Variants in PTGFRN observed in about 807,000 individuals in gnomAD.
The protein encoded by PTGFRN is prostaglandin F2 receptor negative regulator.
A neutral mutation model predicts 83.2 loss-of-function variants in PTGFRN; 35 were observed. That is an observed-to-expected ratio of 0.42 (90% CI 0.32 to 0.56). The LOEUF (loss-of-function observed/expected upper bound fraction) is 0.56. Ranked by LOEUF, PTGFRN falls within the 20% of genes least tolerant of loss-of-function variation. The pLI is 0.11. For synonymous variants in PTGFRN, 519 were observed against 498.6 expected, an observed-to-expected ratio of 1.04 and a Z score of -0.55; for missense variants, 1,051 against 1,179.5, an observed-to-expected ratio of 0.89 and a Z score of 1.60.
At position 116,966,365 on chromosome 1, in the gene PTGFRN, A is replaced by G. The variant is rs371462609; in HGVS notation, c.1640-546A>G. On this transcript the variant is annotated intron_variant, in intron 5 of 8. Transcript: ENST00000393203. Reference sequence around the variant, plus strand: ...TACGCTACAGTCATTTTAGCAATACATCTGTTCTGTAATGTCACTATCATA... The same window carrying G: ...TACGCTACAGTCATTTTAGCAATACGTCTGTTCTGTAATGTCACTATCATA... 1.3e-4 allele frequency among the ~76,000 whole-genome samples: 20 copies of G among 152,356 alleles called. No individual in the cohort carries two copies. The East Asian group carries it at 2.7e-3, about 21-fold the overall frequency.
At chr1:116,970,130 T>C (rs950554339) in intron 6 of PTGFRN, among the ~76,000 whole-genome samples, 1 of 151,920 alleles carries the variant, frequency 6.6e-6, no homozygotes, top group Admixed American at 6.6e-5. Context: ...TCCAATACAG[T>C]GTTGAATGGA....
At chr1:116,950,513 A>G (rs1334510122) in intron 4 of PTGFRN, among the ~76,000 whole-genome samples, 1 of 152,222 alleles carries the variant, frequency 6.6e-6, no homozygotes, top group Non-Finnish European at 1.5e-5. Context: ...CAGGCAAAAC[A>G]GATCTTTAAA....
chr1:116,982,562 AAGAC>A (rs1198616879), intron 7 of PTGFRN, among the ~76,000 whole-genome samples: 1 of 152,040 alleles, frequency 6.6e-6, no homozygotes, highest in Non-Finnish European at 1.5e-5. Flanking sequence ...TCCGCAAGCA[AAGAC>A]AGACAAGCAC....
chr1:116,983,028 G>T (rs1360103554), intron 7 of PTGFRN, among the ~76,000 whole-genome samples: 1 of 152,200 alleles, frequency 6.6e-6, no homozygotes, highest in Non-Finnish European at 1.5e-5. Context: ...GTGTTGAGCT[G>T]TGGAGATAAT....
At chr1:116,928,334 A>C (rs922078021) in intron 1 of PTGFRN, among the ~76,000 whole-genome samples, 1 of 152,036 alleles carries the variant, frequency 6.6e-6, no homozygotes, top group African/African-American at 2.4e-5. Flanking sequence ...TGTTGAACCT[A>C]TTCTTCATCC....
chr1:116,944,555 T>TGGATTCCAAG, intron 2 of PTGFRN, 124 bp from the exon 3 acceptor site: 1 of 989,566 alleles, frequency 1.0e-6, no homozygotes, highest in African/African-American at 1.7e-5. Flanking sequence ...TGGGAAAACG[T>TGGATTCCAAG]GCCCATCCGG....
In PTGFRN at chr1:116,909,991, A is replaced by T. The variant is rs909346185; in HGVS notation, c.-213A>T. 30 of 572,748 alleles carry T rather than the reference A, an allele frequency of 5.2e-5. No individual in the cohort carries two copies. In the Admixed American group the frequency reaches 7.6e-4, roughly 14 times the overall value. The allele number at this position is 572,748 out of a possible 1,614,324, so 35.5% of individuals were successfully genotyped here. On this transcript the variant is annotated 5_prime_UTR_variant, in exon 1 of 9. Coordinates refer to ENST00000393203, the MANE Select transcript of PTGFRN (RefSeq NM_020440.4). ...CCGGCTCCCGGGCCCGGCCGGCTGG[A>T]GGAGGGAGGGAAGGAGGCGGGAGGG... is the stretch of plus-strand genomic sequence containing the variant.
At chr1:116,953,764 C>G (rs1650407624) in intron 4 of PTGFRN, among the ~76,000 whole-genome samples, 1 of 151,872 alleles carries the variant, frequency 6.6e-6, no homozygotes, top group South Asian at 2.1e-4. Context: ...ACACCCAGCC[C>G]TTTTCATCCC....
At chr1:116,980,771 G>T (rs1444336136) in intron 7 of PTGFRN, among the ~76,000 whole-genome samples, 1 of 152,148 alleles carries the variant, frequency 6.6e-6, no homozygotes, top group Non-Finnish European at 1.5e-5. Flanking sequence ...GAGTTAATGG[G>T]TGCAGCACAC....
chr1:116,963,274 G>A (rs1001432222), intron 5 of PTGFRN, among the ~76,000 whole-genome samples: 1 of 152,204 alleles, frequency 6.6e-6, no homozygotes, highest in African/African-American at 2.4e-5. Flanking sequence ...TCTCCTAAGT[G>A]ATTACTGCAT....
Position 116,984,950 on chromosome 1 carries a change from A to G in PTGFRN, c.2438A>G (p.His813Arg). 1 of 1,613,870 alleles carries G rather than the reference A, an allele frequency of 6.2e-7. No individual in the cohort carries two copies. The highest frequency in any genetic ancestry group is 1.1e-5 in the South Asian group (1 of 91,072). ...TCCTGGCAGAAGGAGGCAGAGATCC[A>G]CTCCAAGCCCGTTTTTATAACTGTG... is the stretch of plus-strand genomic sequence containing the variant. The part of the protein sequence containing the change: ...TGSWQKEAEI[H>R]SKPVFITVKM... Residue 813 changes from histidine (H) to arginine (R), a missense_variant, in exon 8 of 9, where the codon CAC becomes CGC. Transcript: ENST00000393203.
At position 116,944,593 on chromosome 1, in the gene PTGFRN, A is replaced by G. The variant is rs550021677; in HGVS notation, c.419-86A>G. On this transcript the variant is annotated intron_variant, in intron 2 of 8. Transcript: ENST00000393203. ...CTTGGAATGGGAAAGGGAGGAGGAA[A>G]TTGTCTGTGGTTGCAGCGGTGGGCT... 1.4e-4 allele frequency: 179 copies of G among 1,264,232 alleles called. 2 individuals are homozygous for G. Among genetic ancestry groups the G allele is most frequent in the Non-Finnish European group, 1.1e-5 (11 of 988,454 alleles). The allele number at this position is 1,264,232 out of a possible 1,614,324, so 78.3% of individuals were successfully genotyped here. A position where few individuals can be genotyped will look rare whatever the true frequency, so the allele number is the denominator to read the frequency against.
chr1:116,961,091 T>C lies in PTGFRN; in HGVS notation c.1214-152T>C. 2 of 849,586 alleles carry C rather than the reference T, an allele frequency of 2.4e-6. No individual in the cohort carries two copies. The highest frequency in any genetic ancestry group is 1.7e-6 in the Non-Finnish European group (1 of 597,642). The allele number at this position is 849,586 out of a possible 1,614,324, so 52.6% of individuals were successfully genotyped here. On this transcript the variant is annotated intron_variant, in intron 4 of 8. Coordinates refer to ENST00000393203, the MANE Select transcript of PTGFRN (RefSeq NM_020440.4). This position sits in a 1 kb window ranked among gnomAD's most constrained non-coding sequence, Gnocchi z 5.4. ...GCAAAAACACTGTTCTAGGATCCTA[T>C]CCAATGCAACGACTGATTTCTGTCT...
At chr1:116,963,331 C>T (rs182210738) in intron 5 of PTGFRN, among the ~76,000 whole-genome samples, 1 of 152,342 alleles carries the variant, frequency 6.6e-6, no homozygotes, top group Admixed American at 6.5e-5. Flanking sequence ...TCTCTCTCAG[C>T]TGTTGGCCCT....
rs777700301 is a variant in PTGFRN at position 116,966,958 on chromosome 1, G to A, written c.1687G>A (p.Ala563Thr). ...KARQPKPFFA[A>T]GNTFEMTCKV... ...GAGGCAGCCAAAGCCTTTCTTTGCT[G>A]CCGGAAATACATTTGAGATGACTTG... Residue 563 changes from alanine (A) to threonine (T), a missense_variant, in exon 6 of 9, where the codon GCC (alanine) becomes ACC (threonine). Physicochemically the swap from Ala to Thr is moderately conservative, Grantham distance 58. Transcript: ENST00000393203. 2 of 1,611,278 alleles carry A rather than the reference G, an allele frequency of 1.2e-6. No individual in the cohort carries two copies. The highest frequency in any genetic ancestry group is 2.2e-5 in the South Asian group (2 of 91,020).
intron 1 of PTGFRN, among the ~76,000 whole-genome samples, chr1:116,922,143 G>T (rs1649551480): frequency 6.6e-6 from 1 of 152,158 alleles, no homozygotes; most frequent in Admixed American, 6.5e-5. Flanking sequence ...GAGCAGCTAA[G>T]AGCCGGCATG....
At chr1:116,966,548 C>T (rs79967146) in intron 5 of PTGFRN, among the ~76,000 whole-genome samples, 2,104 of 152,332 alleles carry the variant, frequency 0.014, 55 homozygotes, top group African/African-American at 0.048. Flanking sequence ...TGTGTTCAGC[C>T]ATGTCTTTCC....
rs1649585136 is a variant in PTGFRN, at chr1:116,923,401, G to A, written c.49+13149G>A. ...TTCTAAGACAGGTTTTTGTGGTAGA[G>A]TAGGAAAAAATGAAATCTATACATG... On this transcript the variant is annotated intron_variant, in intron 1 of 8. Coordinates refer to ENST00000393203, the MANE Select transcript of PTGFRN (RefSeq NM_020440.4). The surrounding 1 kb of genome is among the most constrained non-coding windows in gnomAD (Gnocchi z 4.0). 6.6e-6 allele frequency among the ~76,000 whole-genome samples: 1 copy of A among 152,150 alleles called. No homozygotes were observed. The highest frequency in any genetic ancestry group is 2.4e-5 in the African/African-American group (1 of 41,418).
In PTGFRN at chr1:116,952,099, A is replaced by G. The variant is rs1268815820; in HGVS notation, c.1213+2527A>G. 6.6e-6 allele frequency among the ~76,000 whole-genome samples: 1 copy of G among 152,234 alleles called. No individual in the cohort carries two copies. Among genetic ancestry groups the G allele is most frequent in the Non-Finnish European group, 1.5e-5 (1 of 68,046 alleles). ...ACTTGACAGATTAAAATGAATAATTACCATTTATTGAGCATCTACTGTGTG... is the reference window on the plus strand; with the variant it reads ...ACTTGACAGATTAAAATGAATAATTGCCATTTATTGAGCATCTACTGTGTG... On this transcript the variant is annotated intron_variant, in intron 4 of 8. Coordinates refer to ENST00000393203, the MANE Select transcript of PTGFRN (RefSeq NM_020440.4). The surrounding 1 kb of genome is among the most constrained non-coding windows in gnomAD (Gnocchi z 4.0).
Sources: allele counts gnomAD v4.1 joint callset (sites outside exome capture counted in the v4.1 genomes callset), GRCh38; gene constraint gnomAD v4.1.1; non-coding constraint Gnocchi (gnomAD v3.1); transcripts MANE v1.5; gene names NCBI Gene and HGNC (gene_info 2026-07-23, HGNC 2026-07-21).